Variants in SDK1 observed in about 807,000 individuals in gnomAD.
The protein encoded by SDK1 is protein sidekick-1.
In SDK1, 157 loss-of-function variants were observed where a neutral mutation model predicts 245.5. That is an observed-to-expected ratio of 0.64 (90% CI 0.56 to 0.73). The LOEUF is 0.73. Among genes scored for constraint, SDK1 ranks in the 30% least tolerant of loss-of-function variants. SDK1 has a pLI of 0.00. For synonymous variants in SDK1, 1,647 were observed against 1,278.5 expected (o/e 1.29, Z -6.15); for missense variants, 3,583 against 3,002.3 (o/e 1.19, Z -4.52).
chr7:3,983,911 C>T (rs941865038), intron 13 of SDK1, among the ~76,000 whole-genome samples: 2 of 152,208 alleles, frequency 1.3e-5, no homozygotes, highest in Non-Finnish European at 2.9e-5. Flanking sequence ...ACGTGTGCGT[C>T]TCTGCACATC....
chr7:3,312,214 T>A (rs1338260793), intron 1 of SDK1, among the ~76,000 whole-genome samples: 1 of 152,110 alleles, frequency 6.6e-6, no homozygotes, highest in Non-Finnish European at 1.5e-5. Flanking sequence ...CAAATTAGCA[T>A]AAAATCTGGT....
At chr7:3,591,396 C>G (rs951201200) in intron 1 of SDK1, among the ~76,000 whole-genome samples, 1 of 152,254 alleles carries the variant, frequency 6.6e-6, no homozygotes, top group African/African-American at 2.4e-5. Context: ...GGAAGGATCA[C>G]TGGCCGCCTA....
intron 1 of SDK1, among the ~76,000 whole-genome samples, chr7:3,405,501 C>T (rs529895282): frequency 6.6e-6 from 1 of 152,190 alleles, no homozygotes; most frequent in South Asian, 2.1e-4. Context: ...TCTGTGCTCT[C>T]TCTAGCTCCC....
chr7:4,244,579 G>A (rs1786723388), intron 43 of SDK1, among the ~76,000 whole-genome samples: 1 of 152,212 alleles, frequency 6.6e-6, no homozygotes, highest in Non-Finnish European at 1.5e-5. Flanking sequence ...TTCTATCGCT[G>A]CATGGCAAAT....
chr7:3,669,891 C>G (rs1476292034), intron 4 of SDK1, among the ~76,000 whole-genome samples: 1 of 152,174 alleles, frequency 6.6e-6, no homozygotes, highest in Non-Finnish European at 1.5e-5. Context: ...TTTTCCCTGC[C>G]TTACTCCTGG....
chr7:3,360,029 A>G (rs1379169866), intron 1 of SDK1, among the ~76,000 whole-genome samples: 1 of 152,212 alleles, frequency 6.6e-6, no homozygotes, highest in Non-Finnish European at 1.5e-5. Flanking sequence ...TGGTTCTGCC[A>G]TTCTGCTGTC....
At chr7:3,807,397 G>A (rs750092389) in intron 4 of SDK1, among the ~76,000 whole-genome samples, 6 of 152,196 alleles carry the variant, frequency 3.9e-5, no homozygotes, top group Non-Finnish European at 7.3e-5. Flanking sequence ...GTATAGTCGC[G>A]CTCCCGGTAG....
In SDK1 at chr7:3,805,734, C is replaced by G. The variant is rs1475493298; in HGVS notation, c.714-15716C>G. ...TGTATGAAACACATCTAGTGCTAGTCTTTGCTTGGTGGCCAAACCAAAACA... is the reference window on the plus strand; with the variant it reads ...TGTATGAAACACATCTAGTGCTAGTGTTTGCTTGGTGGCCAAACCAAAACA... On this transcript the variant is annotated intron_variant, in intron 4 of 44. Coordinates refer to ENST00000404826, the MANE Select transcript of SDK1 (RefSeq NM_152744.4). 3.3e-5 allele frequency among the ~76,000 whole-genome samples: 5 copies of G among 152,244 alleles called. No homozygotes were observed. The South Asian group carries it at 8.3e-4, about 25-fold the overall frequency.
At position 4,145,498 on chromosome 7, in the gene SDK1, C is replaced by T. The variant is rs566710790; in HGVS notation, c.4229-224C>T. Among the ~76,000 whole-genome samples, 6 of 152,254 alleles carry T rather than the reference C, an allele frequency of 3.9e-5. No individual in the cohort carries two copies. The South Asian group carries it at 1.2e-3, about 32-fold the overall frequency. On this transcript the variant is annotated intron_variant, in intron 28 of 44. Coordinates refer to ENST00000404826, the MANE Select transcript of SDK1 (RefSeq NM_152744.4). Reference sequence around the variant, plus strand: ...GATGAACCCGTGTTCACACCTTGTTCTGGTGAAGGATGGAGCAGGAAACAA... The same window carrying T: ...GATGAACCCGTGTTCACACCTTGTTTTGGTGAAGGATGGAGCAGGAAACAA...
intron 18 of SDK1, among the ~76,000 whole-genome samples, chr7:4,051,010 A>G (rs1242533160): frequency 2.8e-5 from 4 of 141,946 alleles, no homozygotes; most frequent in African/African-American, 1.0e-4. Flanking sequence ...TATATATAGT[A>G]TACTATATGT....
At chr7:3,926,618 G>A (rs1302397914) in intron 5 of SDK1, among the ~76,000 whole-genome samples, 1 of 152,050 alleles carries the variant, frequency 6.6e-6, no homozygotes, top group Non-Finnish European at 1.5e-5. Context: ...GGCTCAAGCT[G>A]TCTGCCCACC....
intron 1 of SDK1, among the ~76,000 whole-genome samples, chr7:3,544,484 TCTG>T (rs1378334076): frequency 3.3e-5 from 5 of 152,238 alleles, no homozygotes; most frequent in Non-Finnish European, 5.9e-5. Context: ...CCCAGTCACT[TCTG>T]CTCTCTTGGC....
intron 40 of SDK1, among the ~76,000 whole-genome samples, chr7:4,230,589 G>T (rs544563643): frequency 2.6e-5 from 4 of 151,960 alleles, no homozygotes; most frequent in Admixed American, 2.6e-4. Context: ...GATAATGAAT[G>T]GATGGATGGA....
rs567625854 is a variant in SDK1 at position 3,383,256 on chromosome 7, C to A, written c.298+81372C>A. ...AGACCCTGTCACTACCAAAACATAACAAAAATTAGCCTGGTGTGGTGGCAT... is the reference window on the plus strand; with the variant it reads ...AGACCCTGTCACTACCAAAACATAAAAAAAATTAGCCTGGTGTGGTGGCAT... On this transcript the variant is annotated intron_variant, in intron 1 of 44. Coordinates refer to ENST00000404826, the MANE Select transcript of SDK1 (RefSeq NM_152744.4). Among the ~76,000 whole-genome samples, 637 of 152,150 alleles carry A rather than the reference C, an allele frequency of 4.2e-3. 9 individuals carry two copies. The highest frequency in any genetic ancestry group is 0.018 in the South Asian group (87 of 4,812).
At chr7:3,365,158 C>T (rs1781056886) in intron 1 of SDK1, among the ~76,000 whole-genome samples, 2 of 152,118 alleles carry the variant, frequency 1.3e-5, no homozygotes, top group African/African-American at 2.4e-5. Flanking sequence ...AGCCATTGAA[C>T]ATGGAGAGGG....
rs114058434 is a variant in SDK1, at chr7:3,686,736, C to T, written c.713+44631C>T. ...GAAGGCCAGGCCACCAGCAGGACCA[C>T]ATGGGATCAGGTAATGGCAGGCAGG... On this transcript the variant is annotated intron_variant, in intron 4 of 44. Transcript: ENST00000404826. Among the ~76,000 whole-genome samples the T allele has an allele frequency of 2.3e-3, 346 of 152,270 alleles. 4 individuals carry two copies. The highest frequency in any genetic ancestry group is 8.0e-3 in the African/African-American group (333 of 41,548).
chr7:4,087,509 ACTTT>A (rs1468246480), intron 22 of SDK1, among the ~76,000 whole-genome samples: 7 of 149,796 alleles, frequency 4.7e-5, no homozygotes, highest in African/African-American at 1.7e-4. Context: ...GCATTGCTTG[ACTTT>A]CTTAGGATTT....
chr7:3,377,786 A>G (rs1781391267), intron 1 of SDK1, among the ~76,000 whole-genome samples: 1 of 151,854 alleles, frequency 6.6e-6, no homozygotes, highest in Admixed American at 6.6e-5. Flanking sequence ...TTTATTATAT[A>G]TTTATTTTTG....
intron 4 of SDK1, among the ~76,000 whole-genome samples, chr7:3,686,201 G>A (rs1363151270): frequency 6.6e-6 from 1 of 152,058 alleles, no homozygotes. Context: ...TCAGCCTCCC[G>A]AGTAGCTGGG....
Sources: gnomAD v4.1 joint callset for allele counts (sites outside exome capture counted in the v4.1 genomes callset) on GRCh38, gnomAD v4.1.1 for gene constraint, MANE v1.5 for transcripts, NCBI Gene and HGNC (gene_info 2026-07-23, HGNC 2026-07-21) for gene names.